FBXL7: variants seen among roughly 807,000 people sequenced by gnomAD.
FBXL7 encodes the protein F-box/LRR-repeat protein 7.
Under a neutral mutation model 38.3 loss-of-function variants are expected in FBXL7, and 12 were observed. The ratio of observed to expected loss-of-function variants is 0.31; its 90% CI spans 0.20 to 0.51. The LOEUF is 0.51. Ranked by LOEUF, FBXL7 falls within the 20% of genes least tolerant of loss-of-function variation. FBXL7 has a pLI of 0.98. For synonymous variants in FBXL7, 297 were observed against 300.9 expected, an observed-to-expected ratio of 0.99 and a Z score of 0.13; for missense variants, 567 against 676.4, an observed-to-expected ratio of 0.84 and a Z score of 1.79.
chr5:15,509,564 G>A (rs1310819767), intron 1 of FBXL7, among the ~76,000 whole-genome samples: 1 of 152,256 alleles, frequency 6.6e-6, no homozygotes, highest in Non-Finnish European at 1.5e-5. Context: ...TTCCTGAAAT[G>A]TCTAAAAGAT....
intron 2 of FBXL7, among the ~76,000 whole-genome samples, chr5:15,854,097 T>C (rs1404324058): frequency 6.6e-6 from 1 of 152,186 alleles, no homozygotes; most frequent in African/African-American, 2.4e-5. Context: ...TTTCTGTCTT[T>C]AGAGAGAAAT....
chr5:15,735,308 G>C (rs1038399646), intron 2 of FBXL7, among the ~76,000 whole-genome samples: 2 of 152,188 alleles, frequency 1.3e-5, no homozygotes, highest in African/African-American at 4.8e-5. Context: ...AGACTAGGTA[G>C]AGAAGAGAAG....
chr5:15,605,625 C>G (rs1739980166), intron 1 of FBXL7, among the ~76,000 whole-genome samples: 2 of 152,022 alleles, frequency 1.3e-5, no homozygotes, highest in East Asian at 3.9e-4. Flanking sequence ...CAGAGAGCTT[C>G]TTTGGGGTGA....
At chr5:15,898,956 A>G (rs1741170126) in intron 2 of FBXL7, among the ~76,000 whole-genome samples, 1 of 152,120 alleles carries the variant, frequency 6.6e-6, no homozygotes, top group South Asian at 2.1e-4. Context: ...CAGAGCTTTC[A>G]AAACCAAGAT....
intron 1 of FBXL7, among the ~76,000 whole-genome samples, chr5:15,569,708 T>C (rs1450277082): frequency 1.3e-5 from 2 of 152,192 alleles, no homozygotes; most frequent in Non-Finnish European, 2.9e-5. Flanking sequence ...GTCCATTCAG[T>C]ATGATATTGG....
intron 2 of FBXL7, among the ~76,000 whole-genome samples, chr5:15,912,669 A>G (rs1030307088): frequency 6.6e-6 from 1 of 152,138 alleles, no homozygotes; most frequent in Non-Finnish European, 1.5e-5. Context: ...TTAAAAAAAA[A>G]AGAAGTATGA....
At chr5:15,514,984 T>C (rs1227050982) in intron 1 of FBXL7, among the ~76,000 whole-genome samples, 1 of 152,168 alleles carries the variant, frequency 6.6e-6, no homozygotes, top group African/African-American at 2.4e-5. Context: ...CCAGTTTGCC[T>C]TCTCTCCTTG....
At chr5:15,893,258 A>C (rs1219629325) in intron 2 of FBXL7, among the ~76,000 whole-genome samples, 1 of 152,216 alleles carries the variant, frequency 6.6e-6, no homozygotes, top group Non-Finnish European at 1.5e-5. Flanking sequence ...CTAATATGGG[A>C]TGTAAGACAC....
chr5:15,611,556 T>C (rs968770702), intron 1 of FBXL7, among the ~76,000 whole-genome samples: 8 of 152,122 alleles, frequency 5.3e-5, no homozygotes, highest in African/African-American at 1.4e-4. Flanking sequence ...AAAAACCAAA[T>C]TGATATTGAT....
intron 2 of FBXL7, among the ~76,000 whole-genome samples, chr5:15,923,229 C>T (rs997053819): frequency 6.6e-6 from 1 of 152,266 alleles, no homozygotes; most frequent in Non-Finnish European, 1.5e-5. Context: ...CATTTAGCTG[C>T]CAGTCTTCTG....
chr5:15,501,082 C>T (rs1336793831), intron 1 of FBXL7, among the ~76,000 whole-genome samples: 2 of 152,160 alleles, frequency 1.3e-5, no homozygotes, highest in Non-Finnish European at 2.9e-5. Context: ...TCAGTGAAAA[C>T]TTTCCCGGGC....
chr5:15,831,042 C>T (rs916846006), intron 2 of FBXL7, among the ~76,000 whole-genome samples: 3 of 152,172 alleles, frequency 2.0e-5, no homozygotes, highest in South Asian at 2.1e-4. Context: ...AACCCAATGG[C>T]GTCCTTATCA....
At position 15,936,518 on chromosome 5, in the gene FBXL7, A is replaced by G. The variant is rs1042573419; in HGVS notation, c.808A>G (p.Lys270Glu). Residue 270 changes from lysine (K) to glutamate (E), a missense_variant, in exon 4 of 4, where the codon AAA becomes GAA. Coordinates refer to ENST00000504595, the MANE Select transcript of FBXL7 (RefSeq NM_012304.5). The surrounding 1 kb of genome is among the most constrained non-coding windows in gnomAD (Gnocchi z 6.0). Reference protein sequence around the residue: ...ASIKLSPLHGKQISIRYLDMT... With the variant: ...ASIKLSPLHGEQISIRYLDMT... Reference sequence around the variant, plus strand: ...CATTAAACTGTCACCCTTGCATGGCAAACAGATTTCCATCCGCTACCTGGA... The same window carrying G: ...CATTAAACTGTCACCCTTGCATGGCGAACAGATTTCCATCCGCTACCTGGA... 27 of 1,613,602 alleles carry G rather than the reference A, an allele frequency of 1.7e-5. No homozygotes were observed. Among genetic ancestry groups the G allele is most frequent in the Non-Finnish European group, 2.3e-5 (27 of 1,179,896 alleles).
chr5:15,684,286 T>C (rs978473751), intron 2 of FBXL7, among the ~76,000 whole-genome samples: 2 of 152,174 alleles, frequency 1.3e-5, no homozygotes, highest in Non-Finnish European at 2.9e-5. Flanking sequence ...TATTATAATA[T>C]GATACATGAC....
intron 2 of FBXL7, among the ~76,000 whole-genome samples, chr5:15,769,394 C>G (rs920158025): frequency 1.3e-5 from 2 of 152,104 alleles, no homozygotes; most frequent in Non-Finnish European, 1.5e-5. Context: ...CTAGCATTAC[C>G]CAGGATGAGA....
rs564774466 is a variant in FBXL7 at position 15,779,794 on chromosome 5, T to A, written c.128-148096T>A. 2.0e-5 allele frequency among the ~76,000 whole-genome samples: 3 copies of A among 152,332 alleles called. No homozygotes were observed. In the East Asian group the frequency reaches 5.8e-4, roughly 29 times the overall value. ...TATAGCTTTGGCCTAAAAGTCGTCATGGAAAATCTATTCTGTGGCAGAACT... is the reference window on the plus strand; with the variant it reads ...TATAGCTTTGGCCTAAAAGTCGTCAAGGAAAATCTATTCTGTGGCAGAACT... On this transcript the variant is annotated intron_variant, in intron 2 of 3. Transcript: ENST00000504595.
At chr5:15,647,151 A>G (rs1033458846) in intron 2 of FBXL7, among the ~76,000 whole-genome samples, 2 of 152,240 alleles carry the variant, frequency 1.3e-5, no homozygotes, top group Non-Finnish European at 2.9e-5. Context: ...CCTTATAATG[A>G]CAAGAATGGT....
At chr5:15,935,489 G>T (rs1347941787) in intron 3 of FBXL7, among the ~76,000 whole-genome samples, 2 of 113,882 alleles carry the variant, frequency 1.8e-5, no homozygotes, top group Non-Finnish European at 3.6e-5. Flanking sequence ...GCAGGGAAGG[G>T]AGTCTGATTC....
chr5:15,575,004 G>A (rs541377587), intron 1 of FBXL7, among the ~76,000 whole-genome samples: 57 of 152,168 alleles, frequency 3.7e-4, no homozygotes, highest in African/African-American at 1.2e-3. Flanking sequence ...CTGGTTATCC[G>A]GAGACATTTT....
Sources: allele counts gnomAD v4.1 joint callset (sites outside exome capture counted in the v4.1 genomes callset), GRCh38; gene constraint gnomAD v4.1.1; non-coding constraint Gnocchi (gnomAD v3.1); transcripts MANE v1.5; gene names NCBI Gene and HGNC (gene_info 2026-07-23, HGNC 2026-07-21).